The following UBXN2A variants were observed in gnomAD, a reference collection of about 807,000 sequenced individuals.
UBXN2A encodes the protein UBX domain-containing protein 2A.
Under a neutral mutation model 28.4 loss-of-function variants are expected in UBXN2A, and 28 were observed. The observed-to-expected ratio is 0.99, with a 90% CI of 0.73 to 1.35. The LOEUF is 1.35. UBXN2A is among the 40% of genes most tolerant of loss of function. UBXN2A has a pLI of 0.00. For missense variants in UBXN2A, 253 were observed against 297.9 expected (o/e 0.85, Z 1.11); for synonymous variants, 97 against 103.6 (o/e 0.94, Z 0.39).
intron 1 of UBXN2A, among the ~76,000 whole-genome samples, chr2:23,941,566 TACTG>T (rs1388403168): frequency 2.6e-5 from 4 of 152,218 alleles, no homozygotes; most frequent in Non-Finnish European, 2.9e-5. Flanking sequence ...AGCTCACACT[TACTG>T]AGCAGTTGTT....
chr2:23,976,818 T>G (rs1393632171), intron 3 of UBXN2A, 151 bp from the exon 4 acceptor site: 1 of 544,228 alleles, frequency 1.8e-6, no homozygotes, highest in Non-Finnish European at 3.3e-6. Flanking sequence ...TAGGCTCAAG[T>G]AGTCCTCCTG....
At chr2:23,966,453 T>C (rs1192576334) in intron 2 of UBXN2A, among the ~76,000 whole-genome samples, 1 of 146,802 alleles carries the variant, frequency 6.8e-6, no homozygotes, top group Non-Finnish European at 1.5e-5. Context: ...ATTTTCTTTT[T>C]TTCTTTTTTT....
rs941425650 is a variant in UBXN2A at position 23,933,807 on chromosome 2, G to A, written c.-137-5733G>A. Among the ~76,000 whole-genome samples, 5 of 152,286 alleles carry A rather than the reference G, an allele frequency of 3.3e-5. No homozygotes were observed. The East Asian group carries it at 9.7e-4, about 29-fold the overall frequency. On this transcript the variant is annotated intron_variant, in intron 1 of 7. Transcript: ENST00000404924. ...TGAAACACTGCAAGTCTATAGGGAG[G>A]CCATCAATGAAGAGATGGTCCTGAT...
intron 3 of UBXN2A, among the ~76,000 whole-genome samples, chr2:23,972,066 T>C (rs938988175): frequency 6.6e-6 from 1 of 152,066 alleles, no homozygotes; most frequent in Admixed American, 6.6e-5. Flanking sequence ...ACCACTGCAC[T>C]CCAGCCTGGG....
chr2:23,988,623 C>T (rs1242084282), intron 6 of UBXN2A, among the ~76,000 whole-genome samples: 1 of 152,050 alleles, frequency 6.6e-6, no homozygotes, highest in African/African-American at 2.4e-5. Context: ...ATTTGACACT[C>T]GATTAAAGTG....
chr2:23,940,794 G>T (rs2150793794), intron 1 of UBXN2A, 146 bp downstream of exon 1: 1 of 152,154 alleles, frequency 6.6e-6, no homozygotes, highest in East Asian at 1.9e-4. Context: ...GGAGGGCCGC[G>T]TGTTTGCGAC....
chr2:23,991,826 CTG>C (rs1708366105), intron 6 of UBXN2A, among the ~76,000 whole-genome samples: 1 of 151,356 alleles, frequency 6.6e-6, no homozygotes, highest in Non-Finnish European at 1.5e-5. Context: ...AGTCTCAACT[CTG>C]TTGCCTAGGC....
At chr2:23,976,604 T>C (rs976309252) in intron 3 of UBXN2A, among the ~76,000 whole-genome samples, 16 of 152,156 alleles carry the variant, frequency 1.1e-4, no homozygotes, top group Admixed American at 9.8e-4. Flanking sequence ...GTGAGACTTA[T>C]TCACTATCAC....
chr2:23,979,097 C>T (rs1205874740), intron 4 of UBXN2A, among the ~76,000 whole-genome samples: 1 of 152,118 alleles, frequency 6.6e-6, no homozygotes, highest in Non-Finnish European at 1.5e-5. Flanking sequence ...AATCCCAGCA[C>T]TTTGGGTAGC....
chr2:23,990,593 G>C (rs1708318065), intron 6 of UBXN2A, among the ~76,000 whole-genome samples: 1 of 151,634 alleles, frequency 6.6e-6, no homozygotes. Flanking sequence ...GGCCAACATG[G>C]TGAAACCCCA....
At chr2:23,968,930 G>C (rs1177757491) in intron 2 of UBXN2A, 1 of 121,820 alleles carries the variant, frequency 8.2e-6, no homozygotes, top group African/African-American at 3.2e-5. Context: ...GTCTCTCTCT[G>C]TCGCCAGGCT....
chr2:23,969,296 G>T (rs750167868), intron 2 of UBXN2A, among the ~76,000 whole-genome samples: 14 of 152,146 alleles, frequency 9.2e-5, no homozygotes, highest in Non-Finnish European at 1.5e-4. Context: ...CAGTACTTTG[G>T]GAAACAGACA....
chr2:23,940,349 T>C (rs1705681902), upstream of UBXN2A: 1 of 151,608 alleles, frequency 6.6e-6, no homozygotes, highest in Non-Finnish European at 1.5e-5. Flanking sequence ...GAGGCGGCCA[T>C]TAGCGCCGTT....
At chr2:23,994,666 AT>A (rs1708466190) in intron 6 of UBXN2A, among the ~76,000 whole-genome samples, 1 of 152,146 alleles carries the variant, frequency 6.6e-6, no homozygotes, top group Admixed American at 6.6e-5. Context: ...GAAATTCCTC[AT>A]CTTTTTATTT....
At chr2:23,954,052 G>A (rs1706496597) in intron 1 of UBXN2A, among the ~76,000 whole-genome samples, 1 of 151,844 alleles carries the variant, frequency 6.6e-6, no homozygotes, top group African/African-American at 2.4e-5. Context: ...CACTCTTGTT[G>A]CCCAGGCTGG....
At chr2:23,979,071 A>G (rs1010321239) in intron 4 of UBXN2A, among the ~76,000 whole-genome samples, 1 of 152,034 alleles carries the variant, frequency 6.6e-6, no homozygotes, top group African/African-American at 2.4e-5. Flanking sequence ...TCAGCCAGGC[A>G]TGGTGGCTCA....
intron 1 of UBXN2A, among the ~76,000 whole-genome samples, chr2:23,946,390 G>A (rs938458482): frequency 4.0e-5 from 6 of 151,214 alleles, no homozygotes; most frequent in Admixed American, 1.3e-4. Flanking sequence ...GCGTGATCTC[G>A]GCTCACTGCA....
intron 6 of UBXN2A, among the ~76,000 whole-genome samples, chr2:23,991,254 G>C (rs1708340897): frequency 1.3e-5 from 2 of 152,148 alleles, no homozygotes; most frequent in African/African-American, 4.8e-5. Flanking sequence ...ATATAATTGG[G>C]TCCAGCAGAG....
chr2:23,971,010 T>G (rs562354577), intron 2 of UBXN2A, among the ~76,000 whole-genome samples: 1 of 152,262 alleles, frequency 6.6e-6, no homozygotes, highest in Middle Eastern at 3.4e-3. Context: ...GCTTAGGGGT[T>G]GGGGATCCCA....
Sources: allele counts gnomAD v4.1 joint callset (sites outside exome capture counted in the v4.1 genomes callset), GRCh38; gene constraint gnomAD v4.1.1; transcripts MANE v1.5; gene names NCBI Gene and HGNC (gene_info 2026-07-23, HGNC 2026-07-21).